TMEM132B: variants seen among roughly 807,000 people sequenced by gnomAD.
TMEM132B encodes the protein transmembrane protein 132B.
TMEM132B carries 18 observed loss-of-function variants against 90.8 expected under a neutral mutation model. That is an observed-to-expected ratio of 0.20 (90% CI 0.14 to 0.29). TMEM132B has a LOEUF of 0.29. Ranked by LOEUF, TMEM132B falls within the 10% of genes least tolerant of loss-of-function variation. The pLI is 1.00. For synonymous variants in TMEM132B, 504 were observed against 523.3 expected (o/e 0.96, Z 0.50); for missense variants, 1,096 against 1,326.8 (o/e 0.83, Z 2.70).
chr12:125,204,073 A>G (rs1873126861), intron 1 of TMEM132B, among the ~76,000 whole-genome samples: 1 of 152,248 alleles, frequency 6.6e-6, no homozygotes, highest in Non-Finnish European at 1.5e-5. Context: ...AATGGCAGTA[A>G]TCATTATCAC....
Position 125,230,993 on chromosome 12 carries a change from G to A in TMEM132B, c.67+44127G>A, listed in dbSNP as rs146051283. 8.7e-4 allele frequency among the ~76,000 whole-genome samples: 133 copies of A among 152,180 alleles called. 2 individuals are homozygous for A. The highest frequency in any genetic ancestry group is 3.0e-3 in the African/African-American group (125 of 41,512). On this transcript the variant is annotated intron_variant, in intron 1 of 8. Coordinates refer to ENST00000682704, the MANE Select transcript of TMEM132B (RefSeq NM_001366854.1). The stretch of plus-strand genomic sequence containing the variant: ...TGCCATATCAAATTGCCACAAATCT[G>A]GTGGCTTAACAAAACAGAAATTTAT...
chr12:125,525,206 G>A (rs958782642), intron 4 of TMEM132B, among the ~76,000 whole-genome samples: 6 of 152,126 alleles, frequency 3.9e-5, no homozygotes, highest in Non-Finnish European at 7.3e-5. Flanking sequence ...TTTATTCATT[G>A]GTTTGGATCA....
At chr12:125,652,164 A>G (rs562516098) in intron 7 of TMEM132B, among the ~76,000 whole-genome samples, 55 of 152,324 alleles carry the variant, frequency 3.6e-4, no homozygotes, top group Non-Finnish European at 6.5e-4. Context: ...ACAGTTTTTT[A>G]TTATTGCCTG....
intron 5 of TMEM132B, among the ~76,000 whole-genome samples, chr12:125,592,738 AG>A (rs1262038804): frequency 6.6e-6 from 1 of 152,142 alleles, no homozygotes; most frequent in Non-Finnish European, 1.5e-5. Flanking sequence ...GTTTACAGAG[AG>A]GGTGAGATGG....
rs114153096 is a variant in TMEM132B at position 125,543,233 on chromosome 12, T to C, written c.1293+23608T>C. Among the ~76,000 whole-genome samples the C allele has an allele frequency of 2.3e-3, 352 of 152,302 alleles. 1 individual carries two copies. The highest frequency in any genetic ancestry group is 8.0e-3 in the African/African-American group (334 of 41,564). On this transcript the variant is annotated intron_variant, in intron 4 of 8. Coordinates refer to ENST00000682704, the MANE Select transcript of TMEM132B (RefSeq NM_001366854.1). ...AAAATTCAGTTATATGATAATGCAG[T>C]CATCCCTCCCTATCTCCAGGTTCTG...
chr12:125,354,223 A>G (rs1203555323), intron 2 of TMEM132B, among the ~76,000 whole-genome samples: 1 of 152,254 alleles, frequency 6.6e-6, no homozygotes, highest in Non-Finnish European at 1.5e-5. Context: ...ACTTAAAGGA[A>G]AAACATCTAC....
At chr12:125,398,786 C>A (rs1879231871) in intron 2 of TMEM132B, among the ~76,000 whole-genome samples, 1 of 152,094 alleles carries the variant, frequency 6.6e-6, no homozygotes, top group Non-Finnish European at 1.5e-5. Context: ...AAAACATCAC[C>A]CATTTATTAT....
In TMEM132B at chr12:125,314,764, G is replaced by C. The variant is rs73422862; in HGVS notation, c.68-34688G>C. On this transcript the variant is annotated intron_variant, in intron 1 of 8. Transcript: ENST00000682704. ...CTGGGATGAGATGTTTCTTTCTTCA[G>C]TGCTAATGACTATCTAGGTTGCCTG... 4.7e-3 allele frequency among the ~76,000 whole-genome samples: 720 copies of C among 152,338 alleles called. 3 individuals carry two copies. The highest frequency in any genetic ancestry group is 0.016 in the African/African-American group (681 of 41,582).
chr12:125,237,186 G>A (rs1593051179), intron 1 of TMEM132B, among the ~76,000 whole-genome samples: 1 of 152,326 alleles, frequency 6.6e-6, no homozygotes, highest in East Asian at 1.9e-4. Flanking sequence ...GGTAGAGAGA[G>A]GTAGGTGTTC....
rs200182140 is a variant in TMEM132B at position 125,650,816 on chromosome 12, T to C, written c.1777T>C (p.Tyr593His). The change falls in exon 7 of 9, where the codon TAC becomes CAC. Residue 593 changes from tyrosine to histidine, a missense_variant. Transcript: ENST00000682704. ...GTCACCTGACTTAGGGCAGCTGACC[T>C]ACATGCTGGGCCCCGACTGGCAGTT... ...AESPDLGQLT[Y>H]MLGPDWQFDI... 183 of 1,614,212 alleles carry C rather than the reference T, an allele frequency of 1.1e-4. No individual in the cohort carries two copies. In the African/African-American group the frequency reaches 2.2e-3, roughly 19 times the overall value.
intron 4 of TMEM132B, among the ~76,000 whole-genome samples, chr12:125,522,438 C>G (rs1189586036): frequency 6.6e-6 from 1 of 152,184 alleles, no homozygotes; most frequent in Non-Finnish European, 1.5e-5. Context: ...CAGGGAGCAG[C>G]TGCTAGCCTG....
At position 125,498,305 on chromosome 12, in the gene TMEM132B, T is replaced by C. The variant is rs1882609658; in HGVS notation, c.1107-21134T>C. 6.6e-6 allele frequency among the ~76,000 whole-genome samples: 1 copy of C among 152,190 alleles called. No homozygotes were observed. Among genetic ancestry groups the C allele is most frequent in the Non-Finnish European group, 1.5e-5 (1 of 68,030 alleles). On this transcript the variant is annotated intron_variant, in intron 3 of 8. Coordinates refer to ENST00000682704, the MANE Select transcript of TMEM132B (RefSeq NM_001366854.1). The surrounding 1 kb of genome is among the most constrained non-coding windows in gnomAD (Gnocchi z 4.5). The stretch of plus-strand genomic sequence containing the variant: ...GGCTAGGTGTTTTTTCTGTTTAGCA[T>C]TAGTAGGAATTGCACTGAATATGTG...
At chr12:125,514,808 C>G (rs1217691834) in intron 3 of TMEM132B, among the ~76,000 whole-genome samples, 1 of 152,160 alleles carries the variant, frequency 6.6e-6, no homozygotes, top group African/African-American at 2.4e-5. Flanking sequence ...CACTGAGGAA[C>G]AGCCGCATGT....
chr12:125,383,043 G>A (rs1878729678), intron 2 of TMEM132B, among the ~76,000 whole-genome samples: 1 of 152,196 alleles, frequency 6.6e-6, no homozygotes, highest in Non-Finnish European at 1.5e-5. Context: ...CATCTGAGCT[G>A]TTGAGCAAAC....
chr12:125,654,461 A>G lies in TMEM132B; in HGVS notation c.3003A>G (p.Gln1001=), dbSNP rs955067729. 9 of 1,613,772 alleles carry G rather than the reference A, an allele frequency of 5.6e-6. No individual in the cohort carries two copies. Among genetic ancestry groups the G allele is most frequent in the African/African-American group, 1.3e-5 (1 of 75,034 alleles). Residue 1001 remains glutamine, a synonymous_variant, in exon 9 of 9, where the codon CAA becomes CAG. Transcript: ENST00000682704. The surrounding 1 kb of genome is among the most constrained non-coding windows in gnomAD (Gnocchi z 5.8). ...GTTCCCAGAAGACTTTTCATAGTCA[A>G]CTACTCAGACCCTCTGACTATGTCT... The part of the protein sequence containing the change: ...NGSSQKTFHS[Q]LLRPSDYVYE...
intron 2 of TMEM132B, among the ~76,000 whole-genome samples, chr12:125,398,008 G>A (rs1879214105): frequency 6.6e-6 from 1 of 152,208 alleles, no homozygotes; most frequent in East Asian, 1.9e-4. Flanking sequence ...GGACAGAACA[G>A]TTAGGGAGCA....
At chr12:125,232,279 T>A (rs548063842) in intron 1 of TMEM132B, among the ~76,000 whole-genome samples, 1 of 152,368 alleles carries the variant, frequency 6.6e-6, no homozygotes, top group East Asian at 1.9e-4. Context: ...TTGCTTAGAT[T>A]CTTTTGTTTA....
intron 5 of TMEM132B, among the ~76,000 whole-genome samples, chr12:125,601,276 G>A (rs920671217): frequency 6.6e-6 from 1 of 152,162 alleles, no homozygotes; most frequent in African/African-American, 2.4e-5. Context: ...TCAGACCACG[G>A]TGAAATCAAA....
chr12:125,642,792 A>G (rs1303579623), intron 5 of TMEM132B, among the ~76,000 whole-genome samples: 1 of 152,244 alleles, frequency 6.6e-6, no homozygotes, highest in Non-Finnish European at 1.5e-5. Context: ...ACAAGGATCC[A>G]TCCCTGTGAC....
Sources: allele counts gnomAD v4.1 joint callset (sites outside exome capture counted in the v4.1 genomes callset), GRCh38; gene constraint gnomAD v4.1.1; non-coding constraint Gnocchi (gnomAD v3.1); transcripts MANE v1.5; gene names NCBI Gene and HGNC (gene_info 2026-07-23, HGNC 2026-07-21).